Variants in CACNA2D3 observed in about 807,000 individuals in gnomAD.
CACNA2D3 encodes calcium voltage-gated channel auxiliary subunit alpha2delta 3.
A neutral mutation model predicts 160.6 loss-of-function variants in CACNA2D3; 60 were observed. That is an observed-to-expected ratio of 0.37 (90% CI 0.30 to 0.46). The LOEUF (loss-of-function observed/expected upper bound fraction) is 0.46, where lower values mean the gene tolerates loss of function less well. Ranked by LOEUF, CACNA2D3 falls within the 20% of genes least tolerant of loss-of-function variation. The pLI is 1.00. For missense variants in CACNA2D3, 1,205 were observed against 1,365.0 expected, an observed-to-expected ratio of 0.88 and a Z score of 1.85; for synonymous variants, 558 against 492.9, an observed-to-expected ratio of 1.13 and a Z score of -1.75.
intron 2 of CACNA2D3, among the ~76,000 whole-genome samples, chr3:54,170,789 A>G (rs1035381040): frequency 6.6e-6 from 1 of 152,190 alleles, no homozygotes; most frequent in African/African-American, 2.4e-5. Context: ...TGTTTAAGAA[A>G]CCAAATTTTC....
chr3:54,369,293 G>C (rs1432861294), intron 3 of CACNA2D3, among the ~76,000 whole-genome samples: 2 of 151,940 alleles, frequency 1.3e-5, no homozygotes, highest in South Asian at 2.1e-4. Flanking sequence ...CAGTGGTATA[G>C]AGTAGAACTA....
chr3:54,593,194 C>T (rs1437239770), intron 9 of CACNA2D3, among the ~76,000 whole-genome samples: 1 of 152,126 alleles, frequency 6.6e-6, no homozygotes, highest in Non-Finnish European at 1.5e-5. Context: ...AAATTGAGAA[C>T]AACCTACATG....
chr3:54,918,467 G>A (rs1575371460), intron 27 of CACNA2D3: 2 of 1,612,834 alleles, frequency 1.2e-6, no homozygotes, highest in African/African-American at 1.3e-5. Flanking sequence ...TCTCAGGCTG[G>A]TGAGCTGTCA....
chr3:54,461,973 T>G lies in CACNA2D3; in HGVS notation c.382-41519T>G, dbSNP rs180915023. Among the ~76,000 whole-genome samples, 788 of 152,342 alleles carry G rather than the reference T, an allele frequency of 5.2e-3. 24 individuals are homozygous for G. The highest frequency in any genetic ancestry group is 0.045 in the Admixed American group (694 of 15,296). ...ATGCGTCCCAGAGATTCTGGTATGT[T>G]GTGTCTTTGTTCTGGTTGGTTTCAA... On this transcript the variant is annotated intron_variant, in intron 4 of 37. Coordinates refer to ENST00000474759, the MANE Select transcript of CACNA2D3 (RefSeq NM_018398.3).
chr3:54,643,502 A>G (rs529683161), intron 11 of CACNA2D3, among the ~76,000 whole-genome samples: 2 of 152,092 alleles, frequency 1.3e-5, no homozygotes, highest in Non-Finnish European at 2.9e-5. Context: ...TGAGCTGACT[A>G]TGTGGGATTC....
At chr3:54,461,461 A>G (rs1223384872) in intron 4 of CACNA2D3, among the ~76,000 whole-genome samples, 1 of 151,248 alleles carries the variant, frequency 6.6e-6, no homozygotes, top group East Asian at 1.9e-4. Flanking sequence ...AGCTCCTGTT[A>G]TTGGTCTATT....
chr3:54,812,275 G>A (rs533152368), intron 13 of CACNA2D3, among the ~76,000 whole-genome samples: 27 of 152,246 alleles, frequency 1.8e-4, no homozygotes, highest in African/African-American at 6.0e-4. Context: ...TAGGGTTTCT[G>A]GTACTGAAAA....
chr3:55,000,379 A>C (rs1702954694), intron 31 of CACNA2D3, among the ~76,000 whole-genome samples: 1 of 152,154 alleles, frequency 6.6e-6, no homozygotes, highest in African/African-American at 2.4e-5. Flanking sequence ...CAATAGTATC[A>C]GGAAAGCCTC....
chr3:54,883,001 A>C (rs1031851486), intron 21 of CACNA2D3, among the ~76,000 whole-genome samples: 1 of 152,036 alleles, frequency 6.6e-6, no homozygotes, highest in African/African-American at 2.4e-5. Flanking sequence ...TGAATCTTTT[A>C]ATCTTTTTCA....
chr3:54,810,560 C>G (rs951818416), intron 13 of CACNA2D3, among the ~76,000 whole-genome samples: 1 of 152,192 alleles, frequency 6.6e-6, no homozygotes, highest in African/African-American at 2.4e-5. Flanking sequence ...ATTGATCATT[C>G]ATTCATGAGG....
chr3:54,236,303 A>G (rs1273264172), intron 2 of CACNA2D3, among the ~76,000 whole-genome samples: 1 of 152,206 alleles, frequency 6.6e-6, no homozygotes, highest in East Asian at 1.9e-4. Context: ...TAAAGCATGA[A>G]CTTCAATTAA....
chr3:55,001,284 G>T lies in CACNA2D3; in HGVS notation c.2691-3479G>T, dbSNP rs191568387. ...TCTATGCCAATGAGCTAAGAAAACC[G>T]GGAGCCTTGTTCATCTTTCAGCCAG... is the stretch of plus-strand genomic sequence containing the variant. On this transcript the variant is annotated intron_variant, in intron 31 of 37. Coordinates refer to ENST00000474759, the MANE Select transcript of CACNA2D3 (RefSeq NM_018398.3). Among the ~76,000 whole-genome samples, 326 of 152,290 alleles carry T rather than the reference G, an allele frequency of 2.1e-3. 3 individuals are homozygous for T. The highest frequency in any genetic ancestry group is 7.6e-3 in the African/African-American group (314 of 41,560).
intron 4 of CACNA2D3, among the ~76,000 whole-genome samples, chr3:54,460,789 C>T (rs1700489021): frequency 6.6e-6 from 1 of 152,134 alleles, no homozygotes; most frequent in Non-Finnish European, 1.5e-5. Flanking sequence ...CCTAATTGCC[C>T]TGGCCAGAAC....
chr3:54,267,721 A>T (rs1169361283), intron 2 of CACNA2D3, among the ~76,000 whole-genome samples: 2 of 152,188 alleles, frequency 1.3e-5, no homozygotes, highest in Non-Finnish European at 2.9e-5. Flanking sequence ...AACTTAGAAG[A>T]TGTTTCCTAA....
intron 5 of CACNA2D3, among the ~76,000 whole-genome samples, chr3:54,545,881 A>G (rs750348340): frequency 8.5e-5 from 13 of 152,158 alleles, no homozygotes; most frequent in Non-Finnish European, 1.5e-4. Context: ...AATTTCGTTC[A>G]GGAACCCATC....
chr3:54,460,354 GT>G (rs1321887326), intron 4 of CACNA2D3, among the ~76,000 whole-genome samples: 1 of 152,056 alleles, frequency 6.6e-6, no homozygotes, highest in African/African-American at 2.4e-5. Context: ...GAATCTATAA[GT>G]TACCTTGGGC....
chr3:54,987,112 G>T (rs1702631684), intron 30 of CACNA2D3, among the ~76,000 whole-genome samples: 9 of 152,132 alleles, frequency 5.9e-5, no homozygotes, highest in Admixed American at 5.9e-4. Context: ...TCCTCAAGGG[G>T]CTGGATAGTC....
At chr3:54,391,443 A>G (rs1459311566) in intron 4 of CACNA2D3, among the ~76,000 whole-genome samples, 1 of 152,172 alleles carries the variant, frequency 6.6e-6, no homozygotes, top group Non-Finnish European at 1.5e-5. Context: ...ACCAAAATGC[A>G]GAATCCTCCA....
intron 13 of CACNA2D3, among the ~76,000 whole-genome samples, chr3:54,812,026 C>G (rs1018216673): frequency 5.9e-5 from 9 of 152,176 alleles, no homozygotes; most frequent in African/African-American, 2.2e-4. Context: ...AATCACCTGT[C>G]ATTACTGCTG....
Sources: gnomAD v4.1 joint callset for allele counts (sites outside exome capture counted in the v4.1 genomes callset) on GRCh38, gnomAD v4.1.1 for gene constraint, MANE v1.5 for transcripts, NCBI Gene and HGNC (gene_info 2026-07-23, HGNC 2026-07-21) for gene names.